The following CHD1 variants were observed in gnomAD, a reference collection of about 807,000 sequenced individuals.
CHD1 encodes the protein ATP-dependent chromatin remodeler CHD1.
A neutral mutation model predicts 224.2 loss-of-function variants in CHD1; 36 were observed. That is an observed-to-expected ratio of 0.16 (90% CI 0.12 to 0.21). The LOEUF is 0.21. Among genes scored for constraint, CHD1 ranks in the 10% least tolerant of loss-of-function variants. The probability of loss-of-function intolerance (pLI) is 1.00; values close to 1 mark genes in which losing one functional copy is unlikely to be tolerated. For missense variants in CHD1, 1,378 were observed against 1,994.8 expected (o/e 0.69, Z 5.89); for synonymous variants, 668 against 658.3 (o/e 1.01, Z -0.23).
At position 98,870,762 on chromosome 5, in the gene CHD1, C is replaced by G; in HGVS notation, c.3903G>C (p.Gln1301His). 1 of 1,612,098 alleles carries G rather than the reference C, an allele frequency of 6.2e-7. No homozygotes were observed. Among genetic ancestry groups the G allele is most frequent in the Non-Finnish European group, 8.5e-7 (1 of 1,178,988 alleles). The change falls in exon 29 of 36, where the codon CAG becomes CAC. Residue 1301 changes from glutamine (Q) to histidine (H), a missense_variant. By Grantham distance (24) the Gln-to-His change is conservative. Transcript: ENST00000614616. ...DDPDKKPQAK[Q>H]LQTRADYLIK... ...TGAGGTAGTCTGCACGGGTCTGCAA[C>G]TGTTTTGCTTGTGGTTTTTTATCGG...
chr5:98,900,368 T>C (rs1323035418), intron 7 of CHD1, among the ~76,000 whole-genome samples: 1 of 150,188 alleles, frequency 6.7e-6, no homozygotes, highest in East Asian at 2.0e-4. Context: ...TTATAAAACA[T>C]AAGTAAAACA....
Position 98,875,819 on chromosome 5 carries a change from T to C in CHD1, c.3398+579A>G, listed in dbSNP as rs1380724365. Among the ~76,000 whole-genome samples the C allele has an allele frequency of 2.6e-5, 4 of 152,170 alleles. No individual in the cohort carries two copies. In the East Asian group the frequency reaches 7.7e-4, roughly 29 times the overall value. On this transcript the variant is annotated intron_variant, in intron 24 of 35. Transcript: ENST00000614616. ...CTGAATAAGATTTTAATAAATGTCA[T>C]ATCCAAAACTATTACATAAACAAAA...
intron 5 of CHD1, among the ~76,000 whole-genome samples, chr5:98,902,211 GA>G (rs138991139): frequency 6.6e-6 from 1 of 150,872 alleles, no homozygotes; most frequent in Admixed American, 6.6e-5. Context: ...AAAGAGAAAG[GA>G]AAAAAAATCC....
chr5:98,892,157 G>A (rs545327523), intron 15 of CHD1, among the ~76,000 whole-genome samples: 2 of 152,226 alleles, frequency 1.3e-5, no homozygotes, highest in Admixed American at 1.3e-4. Flanking sequence ...TCAAAAAGCA[G>A]CAGAGCCTAA....
chr5:98,870,104 A>T (rs530083779), intron 29 of CHD1, among the ~76,000 whole-genome samples: 1 of 152,208 alleles, frequency 6.6e-6, no homozygotes, highest in African/African-American at 2.4e-5. Flanking sequence ...ATTCCTTTAA[A>T]AAAAGGATCA....
At chr5:98,889,547 C>A (rs1391716601) in intron 15 of CHD1, among the ~76,000 whole-genome samples, 1 of 151,750 alleles carries the variant, frequency 6.6e-6, no homozygotes, top group Non-Finnish European at 1.5e-5. Flanking sequence ...AATCTTCTTA[C>A]AACTTTTACT....
In CHD1 at chr5:98,873,619, T is replaced by C. The variant is rs1305084967; in HGVS notation, c.3545A>G (p.Asp1182Gly). 6.2e-7 allele frequency: 1 copy of C among 1,605,598 alleles called. No individual in the cohort carries two copies. Among genetic ancestry groups the C allele is most frequent in the Non-Finnish European group, 8.5e-7 (1 of 1,176,854 alleles). ...TGTTCGTTCTGTTCCTGAAGAACTA[T>C]CCTTTAATGCTTTAATGCAACCATT... is the stretch of plus-strand genomic sequence containing the variant. The part of the protein sequence containing the change: ...VHNGCIKALK[D>G]SSSGTERTGG... Residue 1182 changes from aspartate to glycine, a missense_variant, in exon 26 of 36, where the codon GAT (aspartate) becomes GGT (glycine). Physicochemically the swap from Asp to Gly is moderately conservative, Grantham distance 94. Around this residue, in one of 16 missense-constraint regions of CHD1, gnomAD observed 286 missense variants for 445.1 expected, o/e 0.64. Transcript: ENST00000614616.
intron 31 of CHD1, among the ~76,000 whole-genome samples, chr5:98,865,567 A>G (rs956473169): frequency 6.6e-6 from 1 of 152,240 alleles, no homozygotes; most frequent in Non-Finnish European, 1.5e-5. Context: ...TGTCAAACCC[A>G]GCTCTAACTG....
At chr5:98,922,676 A>T (rs1049174880) in intron 2 of CHD1, among the ~76,000 whole-genome samples, 1 of 152,236 alleles carries the variant, frequency 6.6e-6, no homozygotes, top group African/African-American at 2.4e-5. Flanking sequence ...CTTTAGAAAC[A>T]AAGTATATTT....
In CHD1 at chr5:98,858,269, G is replaced by A. The variant is rs1047460891; in HGVS notation, c.4698C>T (p.Tyr1566=). 8 of 1,613,062 alleles carry A rather than the reference G, an allele frequency of 5.0e-6. No homozygotes were observed. The highest frequency in any genetic ancestry group is 6.8e-6 in the Non-Finnish European group (8 of 1,179,236). ...HHKDRHQGDS[Y]KKSDSRKRPY... is the part of the protein sequence containing the mutation. ...GTCTTTTCCTGGAATCACTTTTTTTGTAAGAATCTCCCTGATGTCGGTCTT... is the reference window on the plus strand; with the variant it reads ...GTCTTTTCCTGGAATCACTTTTTTTATAAGAATCTCCCTGATGTCGGTCTT... The change falls in exon 35 of 36, where the codon TAC becomes TAT. Residue 1566 remains tyrosine (Y), a synonymous_variant. Transcript: ENST00000614616.
At chr5:98,928,346 C>T (rs1332206739) in intron 1 of CHD1, among the ~76,000 whole-genome samples, 193 bp downstream of exon 1, 2 of 152,076 alleles carry the variant, frequency 1.3e-5, no homozygotes, top group Admixed American at 6.5e-5. Context: ...CGTTCTGCGG[C>T]CCCGGCCTGT....
rs963006326 is a variant in CHD1 at position 98,859,154 on chromosome 5, T to C, written c.4525-139A>G. 5 of 551,478 alleles carry C rather than the reference T, an allele frequency of 9.1e-6. No homozygotes were observed. The African/African-American group carries it at 1.0e-4, about 11-fold the overall frequency. The allele number at this position is 551,478 out of a possible 1,614,324, so 34.2% of individuals were successfully genotyped here. On this transcript the variant is annotated intron_variant, in intron 33 of 35. Coordinates refer to ENST00000614616, the MANE Select transcript of CHD1 (RefSeq NM_001270.4). ...ATGTTTATGTGTGTATATATACATG[T>C]ATGACATTTATAGATCTCCATTTTT...
At chr5:98,923,461 G>A (rs1240392951) in intron 2 of CHD1, among the ~76,000 whole-genome samples, 2 of 150,762 alleles carry the variant, frequency 1.3e-5, no homozygotes, top group Non-Finnish European at 2.9e-5. Context: ...TGTTTCCCAG[G>A]CTGGAGTGCA....
At chr5:98,920,506 T>A (rs539476212) in intron 2 of CHD1, among the ~76,000 whole-genome samples, 3 of 152,082 alleles carry the variant, frequency 2.0e-5, no homozygotes, top group African/African-American at 7.2e-5. Context: ...CTAAGAACAA[T>A]AGACAAGGCC....
At chr5:98,928,176 GC>G (rs1312799113) in intron 1 of CHD1, among the ~76,000 whole-genome samples, 10 of 150,742 alleles carry the variant, frequency 6.6e-5, no homozygotes, top group Admixed American at 2.6e-4. Flanking sequence ...CCGAGCCGCC[GC>G]CCCCTCCCCC....
intron 2 of CHD1, among the ~76,000 whole-genome samples, chr5:98,914,882 C>T (rs113430716): frequency 1.5e-5 from 2 of 130,260 alleles, no homozygotes; most frequent in East Asian, 1.9e-4. Flanking sequence ...TATTTTTATA[C>T]ATATATCTCT....
intron 30 of CHD1, 167 bp downstream of exon 30, chr5:98,869,587 T>C (rs1580373172): frequency 3.0e-6 from 2 of 663,348 alleles, no homozygotes; most frequent in East Asian, 5.8e-5. Flanking sequence ...TAATTGAGAC[T>C]GTTATGAACT....
At chr5:98,904,235 T>C (rs1443622077) in intron 3 of CHD1, among the ~76,000 whole-genome samples, 1 of 152,198 alleles carries the variant, frequency 6.6e-6, no homozygotes, top group Non-Finnish European at 1.5e-5. Flanking sequence ...AGTCAGAATA[T>C]ACGTCAACGA....
intron 1 of CHD1, 40 bp downstream of exon 1, chr5:98,928,499 C>A: frequency 6.6e-6 from 1 of 152,322 alleles, no homozygotes; most frequent in South Asian, 2.0e-4. Context: ...TTCCTGTCCT[C>A]TCCGCCACAT....
Sources: allele counts gnomAD v4.1 joint callset (sites outside exome capture counted in the v4.1 genomes callset), GRCh38; gene constraint gnomAD v4.1.1; regional missense constraint gnomAD v4.1.1; transcripts MANE v1.5; gene names NCBI Gene and HGNC (gene_info 2026-07-23, HGNC 2026-07-21).